The following LPP variants were observed in gnomAD, a reference collection of about 807,000 sequenced individuals.
LPP encodes lipoma-preferred partner.
A neutral mutation model predicts 60.4 loss-of-function variants in LPP; 38 were observed. The observed-to-expected ratio is 0.63, with a 90% confidence interval of 0.49 to 0.83. The LOEUF (loss-of-function observed/expected upper bound fraction) is 0.83. Ranked by LOEUF, LPP falls within the 40% of genes least tolerant of loss-of-function variation. LPP has a pLI of 0.00. For missense variants in LPP, 902 were observed against 783.6 expected, an observed-to-expected ratio of 1.15 and a Z score of -1.80; for synonymous variants, 328 against 290.8, an observed-to-expected ratio of 1.13 and a Z score of -1.30.
chr3:188,265,101 G>T (rs1249953118), intron 2 of LPP, among the ~76,000 whole-genome samples: 1 of 152,192 alleles, frequency 6.6e-6, no homozygotes, highest in African/African-American at 2.4e-5. Flanking sequence ...ATTTGGAGAA[G>T]AGAGAAAAGC....
intron 4 of LPP, among the ~76,000 whole-genome samples, chr3:188,469,257 T>C (rs990853574): frequency 6.6e-6 from 1 of 152,140 alleles, no homozygotes; most frequent in African/African-American, 2.4e-5. Context: ...GGACTGTGTG[T>C]TTATACATCA....
chr3:188,364,857 T>A (rs1770637908), intron 3 of LPP, among the ~76,000 whole-genome samples: 1 of 152,180 alleles, frequency 6.6e-6, no homozygotes, highest in Non-Finnish European at 1.5e-5. Context: ...GAGGCTTTTA[T>A]AGTATTGATG....
intron 7 of LPP, among the ~76,000 whole-genome samples, chr3:188,656,845 G>A (rs1454252178): frequency 2.0e-5 from 3 of 152,156 alleles, no homozygotes; most frequent in African/African-American, 4.8e-5. Context: ...CTCTGTGAAA[G>A]AGATGAGGAA....
chr3:188,612,820 C>T (rs1454426855), intron 7 of LPP, among the ~76,000 whole-genome samples: 3 of 151,822 alleles, frequency 2.0e-5, no homozygotes, highest in Non-Finnish European at 4.4e-5. Flanking sequence ...TTGAGATGAG[C>T]TGCTTTAGTT....
chr3:188,743,412 G>A (rs1725110904), intron 8 of LPP, among the ~76,000 whole-genome samples: 2 of 151,914 alleles, frequency 1.3e-5, no homozygotes, highest in Non-Finnish European at 2.9e-5. Flanking sequence ...TCCACCCAGA[G>A]GAAGAGAATC....
intron 5 of LPP, among the ~76,000 whole-genome samples, chr3:188,485,815 T>A (rs6774817): frequency 0.32 from 17,666 of 55,592 alleles, 3,668 homozygotes; most frequent in African/African-American, 0.55. Context: ...AAAAAAAAAA[T>A]GGAATGGTGT....
chr3:188,237,878 C>T (rs1315380872), intron 2 of LPP, among the ~76,000 whole-genome samples: 1 of 152,222 alleles, frequency 6.6e-6, no homozygotes, highest in Non-Finnish European at 1.5e-5. Context: ...TAGCCTCTAA[C>T]AAGAGAGTTA....
intron 8 of LPP, chr3:188,712,867 C>A (rs1194159935): frequency 1.3e-5 from 2 of 151,854 alleles, no homozygotes; most frequent in African/African-American, 4.8e-5. Context: ...GGTCATGTTG[C>A]TTTGCTTCCA....
intron 7 of LPP, among the ~76,000 whole-genome samples, chr3:188,669,330 A>G (rs940497932): frequency 3.9e-5 from 6 of 152,168 alleles, no homozygotes; most frequent in Admixed American, 3.9e-4. Flanking sequence ...TAATCCCAGC[A>G]CTTTGGGAGG....
At chr3:188,575,758 G>C (rs917381482) in intron 6 of LPP, among the ~76,000 whole-genome samples, 1 of 152,070 alleles carries the variant, frequency 6.6e-6, no homozygotes, top group Non-Finnish European at 1.5e-5. Flanking sequence ...TTAAATTAGC[G>C]CTGCTGATGA....
At chr3:188,268,341 G>T (rs985796223) in intron 2 of LPP, among the ~76,000 whole-genome samples, 14 of 152,114 alleles carry the variant, frequency 9.2e-5, no homozygotes, top group African/African-American at 3.4e-4. Context: ...AAAAACCTTA[G>T]ACAAATCTAA....
intron 2 of LPP, among the ~76,000 whole-genome samples, chr3:188,299,630 AG>A (rs1301148764): frequency 3.9e-5 from 6 of 152,192 alleles, no homozygotes; most frequent in Non-Finnish European, 8.8e-5. Flanking sequence ...CTGTGAGGTG[AG>A]GCATCTGGGG....
chr3:188,297,857 G>A (rs1188930803), intron 2 of LPP, among the ~76,000 whole-genome samples: 2 of 152,176 alleles, frequency 1.3e-5, no homozygotes, highest in Non-Finnish European at 1.5e-5. Flanking sequence ...ACTTAGTTGA[G>A]CTCACTACTT....
intron 8 of LPP, among the ~76,000 whole-genome samples, chr3:188,753,946 C>G (rs1729178702): frequency 1.3e-5 from 2 of 152,204 alleles, no homozygotes; most frequent in South Asian, 2.1e-4. Flanking sequence ...TACAGTCCAG[C>G]TTTTAAGATA....
intron 1 of LPP, among the ~76,000 whole-genome samples, chr3:188,156,354 A>G (rs1055781028): frequency 2.0e-5 from 3 of 152,184 alleles, no homozygotes; most frequent in African/African-American, 2.4e-5. Flanking sequence ...GTTCCAGGAA[A>G]TGATGGACGG....
chr3:188,310,401 A>G (rs1443562489), intron 2 of LPP, among the ~76,000 whole-genome samples: 1 of 152,084 alleles, frequency 6.6e-6, no homozygotes, highest in African/African-American at 2.4e-5. Flanking sequence ...AGTGCGCTAT[A>G]GGTGCTTGGG....
At chr3:188,759,139 A>T (rs1731306493) in intron 8 of LPP, 2 of 152,222 alleles carry the variant, frequency 1.3e-5, no homozygotes, top group African/African-American at 2.4e-5. Context: ...CCACATAGAG[A>T]TATGGATGGC....
At chr3:188,626,910 A>G (rs996607121) in intron 7 of LPP, among the ~76,000 whole-genome samples, 2 of 151,392 alleles carry the variant, frequency 1.3e-5, no homozygotes, top group African/African-American at 4.9e-5. Flanking sequence ...GCTATGAAAT[A>G]CCTCAAAAAT....
intron 8 of LPP, among the ~76,000 whole-genome samples, chr3:188,728,210 T>C (rs1440956808): frequency 6.6e-6 from 1 of 152,140 alleles, no homozygotes; most frequent in Non-Finnish European, 1.5e-5. Context: ...TGATGGAGTG[T>C]GCCATACCCC....
Sources: allele counts gnomAD v4.1 joint callset (sites outside exome capture counted in the v4.1 genomes callset), GRCh38; gene constraint gnomAD v4.1.1; transcripts MANE v1.5; gene names NCBI Gene and HGNC (gene_info 2026-07-23, HGNC 2026-07-21).